The following SYT14 variants were observed in gnomAD, a reference collection of about 807,000 sequenced individuals.
The protein encoded by SYT14 is synaptotagmin-14.
Under a neutral mutation model 74.2 loss-of-function variants are expected in SYT14, and 32 were observed. The observed-to-expected ratio is 0.43, with a 90% CI of 0.33 to 0.58. The LOEUF is 0.58. Among genes scored for constraint, SYT14 ranks in the 20% least tolerant of loss-of-function variants. SYT14 has a pLI of 0.05. For synonymous variants in SYT14, 298 were observed against 337.7 expected, an observed-to-expected ratio of 0.88 and a Z score of 1.29; for missense variants, 791 against 981.8, an observed-to-expected ratio of 0.81 and a Z score of 2.60.
intron 2 of SYT14, among the ~76,000 whole-genome samples, chr1:209,995,067 A>G (rs1483208464): frequency 6.6e-6 from 1 of 152,210 alleles, no homozygotes; most frequent in Non-Finnish European, 1.5e-5. Flanking sequence ...CACAGGTACT[A>G]TAAAGCAACT....
chr1:210,081,534 T>G (rs2081616185), intron 5 of SYT14, among the ~76,000 whole-genome samples: 1 of 152,268 alleles, frequency 6.6e-6, no homozygotes, highest in Admixed American at 6.5e-5. Flanking sequence ...TAATTAATAC[T>G]TCATTGCTAG....
intron 7 of SYT14, among the ~76,000 whole-genome samples, chr1:210,150,058 C>T (rs2083127200): frequency 6.6e-6 from 1 of 152,108 alleles, no homozygotes; most frequent in African/African-American, 2.4e-5. Flanking sequence ...ATTGCAAAGC[C>T]CTAGAATTAA....
intron 7 of SYT14, among the ~76,000 whole-genome samples, chr1:210,145,042 T>G (rs563529389): frequency 9.2e-5 from 14 of 152,344 alleles, no homozygotes; most frequent in African/African-American, 3.1e-4. Context: ...CTACATTAAT[T>G]TTGAAGCACA....
intron 5 of SYT14, among the ~76,000 whole-genome samples, chr1:210,041,380 T>C (rs1387309516): frequency 6.6e-6 from 1 of 152,198 alleles, no homozygotes; most frequent in Non-Finnish European, 1.5e-5. Flanking sequence ...GCTATACTCA[T>C]ACTGTGTGGC....
chr1:209,981,419 TTTTC>T (rs1345079582), intron 2 of SYT14, among the ~76,000 whole-genome samples: 1 of 150,226 alleles, frequency 6.7e-6, no homozygotes, highest in South Asian at 2.1e-4. Flanking sequence ...TTGAAATTTC[TTTTC>T]TTTCTTTTTC....
chr1:210,082,570 G>A (rs150129116), intron 5 of SYT14, among the ~76,000 whole-genome samples: 12 of 152,292 alleles, frequency 7.9e-5, no homozygotes, highest in Non-Finnish European at 1.3e-4. Flanking sequence ...ATAACTATAA[G>A]ACCTACCTAT....
At chr1:209,962,748 TA>T (rs1259109035) in intron 2 of SYT14, among the ~76,000 whole-genome samples, 1 of 152,076 alleles carries the variant, frequency 6.6e-6, no homozygotes, top group African/African-American at 2.4e-5. Flanking sequence ...AAGATTATAT[TA>T]TGGAGGTCAT....
chr1:210,147,373 A>G (rs2083062727), intron 7 of SYT14, among the ~76,000 whole-genome samples: 1 of 152,198 alleles, frequency 6.6e-6, no homozygotes, highest in East Asian at 1.9e-4. Context: ...AATATTTAAA[A>G]TACATAGATC....
intron 7 of SYT14, 58 bp downstream of exon 6, chr1:210,100,519 C>G (rs1214917952): frequency 6.5e-7 from 1 of 1,538,892 alleles, no homozygotes; most frequent in Non-Finnish European, 8.9e-7. Flanking sequence ...ATAGTATGCA[C>G]AATTTTAAAA....
intron 7 of SYT14, among the ~76,000 whole-genome samples, chr1:210,134,176 C>T (rs1386736919): frequency 1.3e-5 from 2 of 152,068 alleles, no homozygotes; most frequent in Non-Finnish European, 2.9e-5. Flanking sequence ...AATCGTGGCT[C>T]ACTGCAGCCT....
chr1:210,090,103 A>G (rs931230513), intron 5 of SYT14, among the ~76,000 whole-genome samples: 14 of 152,186 alleles, frequency 9.2e-5, no homozygotes, highest in African/African-American at 3.4e-4. Flanking sequence ...GAGGAGACCA[A>G]TCAGAGGTAC....
At chr1:210,100,020 A>C (rs1264940405) in exon 7 of SYT14, 6 of 1,613,826 alleles carry the variant, frequency 3.7e-6, no homozygotes, top group Non-Finnish European at 4.2e-6. Flanking sequence ...AGGATATGTC[A>C]GCTCAAGGAT....
chr1:210,161,517 A>G (rs1386689416), exon 10 of SYT14: 2 of 454,058 alleles, frequency 4.4e-6, no homozygotes, highest in Non-Finnish European at 8.8e-6. Flanking sequence ...ACTCTATCAT[A>G]AGTCATATCT....
At chr1:210,003,445 C>T (rs1260348967) in intron 2 of SYT14, among the ~76,000 whole-genome samples, 1 of 152,142 alleles carries the variant, frequency 6.6e-6, no homozygotes, top group Non-Finnish European at 1.5e-5. Flanking sequence ...ATTTCACATT[C>T]TGTTAACATT....
At chr1:210,023,594 G>C (rs1051698872) in intron 5 of SYT14, among the ~76,000 whole-genome samples, 1 of 151,758 alleles carries the variant, frequency 6.6e-6, no homozygotes, top group South Asian at 2.1e-4. Flanking sequence ...TGCCCGCCTC[G>C]GCCTCCCAAA....
chr1:209,949,146 A>G (rs1325452708), intron 1 of SYT14, among the ~76,000 whole-genome samples: 1 of 152,226 alleles, frequency 6.6e-6, no homozygotes, highest in African/African-American at 2.4e-5. Flanking sequence ...ACAAAGTTCA[A>G]CATATCTCTA....
At chr1:210,126,195 C>G (rs2082566125) in intron 7 of SYT14, among the ~76,000 whole-genome samples, 1 of 151,824 alleles carries the variant, frequency 6.6e-6, no homozygotes, top group African/African-American at 2.4e-5. Context: ...GAGTGAGACT[C>G]CGTCTCAAGA....
intron 4 of SYT14, among the ~76,000 whole-genome samples, chr1:210,020,583 G>A (rs2080280783): frequency 6.6e-6 from 1 of 152,146 alleles, no homozygotes; most frequent in Non-Finnish European, 1.5e-5. Flanking sequence ...ACCAAAACGA[G>A]AACCAGAAAT....
At chr1:210,114,824 G>A (rs910525204) in intron 7 of SYT14, among the ~76,000 whole-genome samples, 3 of 151,008 alleles carry the variant, frequency 2.0e-5, no homozygotes, top group Non-Finnish European at 2.9e-5. Flanking sequence ...TATAGGGTGG[G>A]GGAGCAGAGA....
Sources: gnomAD v4.1 joint callset for allele counts (sites outside exome capture counted in the v4.1 genomes callset) on GRCh38, gnomAD v4.1.1 for gene constraint, MANE v1.5 for transcripts, NCBI Gene and HGNC (gene_info 2026-07-23, HGNC 2026-07-21) for gene names.